TNFRSF11B: variants seen among roughly 807,000 people sequenced by gnomAD.
The protein encoded by TNFRSF11B is tumor necrosis factor receptor superfamily member 11B.
A neutral mutation model predicts 43.4 loss-of-function variants in TNFRSF11B; 16 were observed. The ratio of observed to expected loss-of-function variants is 0.37; its 90% CI spans 0.25 to 0.56. The LOEUF (loss-of-function observed/expected upper bound fraction) is 0.56. Ranked by LOEUF, TNFRSF11B falls within the 20% of genes least tolerant of loss-of-function variation. The pLI is 0.80. For synonymous variants in TNFRSF11B, 185 were observed against 181.8 expected, an observed-to-expected ratio of 1.02 and a Z score of -0.14; for missense variants, 444 against 490.1, an observed-to-expected ratio of 0.91 and a Z score of 0.89.
At position 118,924,403 on chromosome 8, in the gene TNFRSF11B, C is replaced by T. The variant is rs1487050390; in HGVS notation, c.1177G>A (p.Val393Ile). 1.2e-6 allele frequency: 2 copies of T among 1,613,940 alleles called. No individual in the cohort carries two copies. Among genetic ancestry groups the T allele is most frequent in the African/African-American group, 1.3e-5 (1 of 74,886 alleles). Residue 393 changes from valine to isoleucine, a missense_variant, in exon 5 of 5, where the codon GTC becomes ATC. Physicochemically the swap from Val to Ile is conservative, Grantham distance 29. Coordinates refer to ENST00000297350, the MANE Select transcript of TNFRSF11B (RefSeq NM_002546.4). ...KLFLEMIGNQ[V>I]QSVKISCL The stretch of plus-strand genomic sequence containing the variant: ...AAGCAGCTTATTTTTACTGATTGGA[C>T]CTGGTTACCTATCATTTCTAAAAAT...
intron 1 of TNFRSF11B, among the ~76,000 whole-genome samples, chr8:118,940,120 A>T (rs1183340697): frequency 6.6e-6 from 1 of 152,286 alleles, no homozygotes; most frequent in Admixed American, 6.5e-5. Context: ...CATAGGTGGG[A>T]ATTGAACAAT....
chr8:118,925,332 A>G (rs1812233072), intron 4 of TNFRSF11B, among the ~76,000 whole-genome samples: 1 of 152,200 alleles, frequency 6.6e-6, no homozygotes, highest in South Asian at 2.1e-4. Context: ...AGAGGGAGGA[A>G]CTAACATTTC....
intron 1 of TNFRSF11B, among the ~76,000 whole-genome samples, chr8:118,947,691 A>G (rs532633786): frequency 6.6e-6 from 1 of 152,196 alleles, no homozygotes; most frequent in Non-Finnish European, 1.5e-5. Flanking sequence ...ATACAAACTT[A>G]ATTTTTCAGG....
chr8:118,932,886 G>T, intron 2 of TNFRSF11B, 45 bp downstream of exon 2: 1 of 1,612,198 alleles, frequency 6.2e-7, no homozygotes, highest in South Asian at 1.1e-5. Flanking sequence ...ACAACTATCT[G>T]ACTTTGCATG....
At position 118,924,387 on chromosome 8, in the gene TNFRSF11B, A is replaced by G. The variant is rs748687430; in HGVS notation, c.1193T>C (p.Ile398Thr). 2.5e-6 allele frequency: 4 copies of G among 1,614,016 alleles called. No individual in the cohort carries two copies. The highest frequency in any genetic ancestry group is 1.1e-5 in the South Asian group (1 of 91,082). ...GGCCATTTCCAGTTATAAGCAGCTT[A>G]TTTTTACTGATTGGACCTGGTTACC... is the stretch of plus-strand genomic sequence containing the variant. Reference protein sequence around the residue: ...MIGNQVQSVKISCL With the variant: ...MIGNQVQSVKTSCL Residue 398 changes from isoleucine (I) to threonine (T), a missense_variant, in exon 5 of 5, where the codon ATA (isoleucine) becomes ACA (threonine). By Grantham distance (89) the Ile-to-Thr change is moderately conservative. Transcript: ENST00000297350.
At chr8:118,926,829 A>G in intron 3 of TNFRSF11B, 111 bp from the exon 4 acceptor site, 2 of 1,066,122 alleles carry the variant, frequency 1.9e-6, no homozygotes, top group Non-Finnish European at 2.8e-6. Context: ...TCCAAGATAA[A>G]ATATGCTAAA....
Position 118,932,966 on chromosome 8 carries a change from C to T in TNFRSF11B, c.365G>A (p.Arg122Lys). 6.2e-7 allele frequency: 1 copy of T among 1,614,190 alleles called. No individual in the cohort carries two copies. The highest frequency in any genetic ancestry group is 8.5e-7 in the Non-Finnish European group (1 of 1,180,036). Reference sequence around the variant, plus strand: ...CACTCCAAATCCAGGAGGGCAGCTCCTATGTTTCAAGCAGAACTCTATCTC... The same window carrying T: ...CACTCCAAATCCAGGAGGGCAGCTCTTATGTTTCAAGCAGAACTCTATCTC... ...YLEIEFCLKH[R>K]SCPPGFGVVQ... is the part of the protein sequence containing the mutation. The change falls in exon 2 of 5, where the codon AGG becomes AAG. Residue 122 changes from arginine to lysine, a missense_variant. Transcript: ENST00000297350.
At chr8:118,926,922 CT>C (rs1394216788) in intron 3 of TNFRSF11B, among the ~76,000 whole-genome samples, 1 of 152,122 alleles carries the variant, frequency 6.6e-6, no homozygotes, top group East Asian at 1.9e-4. Context: ...TTCTAATGTT[CT>C]TTTTTGGGCA....
chr8:118,929,085 C>A, intron 2 of TNFRSF11B, 156 bp from the exon 3 acceptor site: 2 of 685,624 alleles, frequency 2.9e-6, no homozygotes, highest in East Asian at 2.7e-5. Context: ...CTTCATTAGA[C>A]AGAACAAAAC....
chr8:118,924,259 A>G lies in TNFRSF11B; in HGVS notation c.*115T>C. The G allele has an allele frequency of 7.9e-7, 1 of 1,271,828 alleles. No homozygotes were observed. Among genetic ancestry groups the G allele is most frequent in the Non-Finnish European group, 1.1e-6 (1 of 882,770 alleles). 78.8% of individuals were successfully genotyped at this position (1,271,828 alleles called of 1,614,324 possible). ...GTTTCTTTTAGTACCCTGTGGCAAA[A>G]TTAGTCACTGGTAATGAGAAAGATA... On this transcript the variant is annotated 3_prime_UTR_variant, in exon 5 of 5. Coordinates refer to ENST00000297350, the MANE Select transcript of TNFRSF11B (RefSeq NM_002546.4).
rs556295432 is a variant in TNFRSF11B at position 118,945,275 on chromosome 8, A to G, written c.30+6517T>C. Among the ~76,000 whole-genome samples the G allele has an allele frequency of 4.6e-4, 40 of 87,340 alleles. No homozygotes were observed. In the South Asian group the frequency reaches 0.014, roughly 30 times the overall value. The allele number at this position is 87,340 out of a possible 152,430, so 57.3% of individuals were successfully genotyped here. A position where few individuals can be genotyped will look rare whatever the true frequency, so the allele number is the denominator to read the frequency against. On this transcript the variant is annotated intron_variant, in intron 1 of 4. Coordinates refer to ENST00000297350, the MANE Select transcript of TNFRSF11B (RefSeq NM_002546.4). ...TGTTTTGAGCGGGAAATAATGCACA[A>G]TTGTGTGTGTGTTTAATTCAGATGG...
At chr8:118,932,013 C>T (rs985766689) in intron 2 of TNFRSF11B, among the ~76,000 whole-genome samples, 2 of 152,022 alleles carry the variant, frequency 1.3e-5, no homozygotes, top group African/African-American at 4.8e-5. Context: ...CAGCTGCCCA[C>T]AAAAAGGAGT....
intron 3 of TNFRSF11B, 129 bp from the exon 4 acceptor site, chr8:118,926,847 G>C: frequency 1.0e-6 from 1 of 961,170 alleles, no homozygotes; most frequent in South Asian, 1.4e-5. Context: ...AAAATGCAAA[G>C]TTTGAATAAA....
chr8:118,935,437 G>T lies in TNFRSF11B; in HGVS notation c.31-2137C>A, dbSNP rs370706799. Among the ~76,000 whole-genome samples, 59 of 152,286 alleles carry T rather than the reference G, an allele frequency of 3.9e-4. 1 individual carries two copies. In the South Asian group the frequency reaches 0.012, roughly 30 times the overall value. Reference sequence around the variant, plus strand: ...AAGTTCATACTTGAGTGAGCACGCAGACAATAATAAGTGAAGAAATAATTA... The same window carrying T: ...AAGTTCATACTTGAGTGAGCACGCATACAATAATAAGTGAAGAAATAATTA... On this transcript the variant is annotated intron_variant, in intron 1 of 4. Transcript: ENST00000297350.
intron 1 of TNFRSF11B, among the ~76,000 whole-genome samples, chr8:118,943,504 G>T (rs1160108327): frequency 1.3e-5 from 2 of 151,986 alleles, no homozygotes. Context: ...TTTTTTACTG[G>T]ACTCAGCTAA....
intron 1 of TNFRSF11B, among the ~76,000 whole-genome samples, chr8:118,937,421 G>T (rs1246970203): frequency 6.6e-6 from 1 of 152,068 alleles, no homozygotes; most frequent in Non-Finnish European, 1.5e-5. Flanking sequence ...CATTCCCTCT[G>T]TAAAATCACC....
Position 118,938,184 on chromosome 8 carries a change from G to A in TNFRSF11B, c.31-4884C>T, listed in dbSNP as rs138780338. 2.4e-3 allele frequency among the ~76,000 whole-genome samples: 364 copies of A among 152,166 alleles called. 5 individuals are homozygous for A. The highest frequency in any genetic ancestry group is 8.2e-3 in the African/African-American group (341 of 41,544). On this transcript the variant is annotated intron_variant, in intron 1 of 4. Coordinates refer to ENST00000297350, the MANE Select transcript of TNFRSF11B (RefSeq NM_002546.4). ...TTTTATTGAGATGGGGTCTCGCTAT[G>A]TTGCCCAGGCTGGTCTTGAACTCTG...
At position 118,923,702 on chromosome 8, in the gene TNFRSF11B, C is replaced by CTAAA. The variant is rs1384574583; in HGVS notation, c.*668_*671dup. ...ATGTTTTCCAACATTAAACAATTGACTAAATAATGCATTTTCTATAAAATG... is the reference window on the plus strand; with the variant it reads ...ATGTTTTCCAACATTAAACAATTGACTAAATAAATAATGCATTTTCTATAAAATG... On this transcript the variant is annotated 3_prime_UTR_variant, in exon 5 of 5. Coordinates refer to ENST00000297350, the MANE Select transcript of TNFRSF11B (RefSeq NM_002546.4). 2 of 152,390 alleles carry CTAAA rather than the reference C, an allele frequency of 1.3e-5. No homozygotes were observed. The highest frequency in any genetic ancestry group is 2.4e-5 in the African/African-American group (1 of 41,364). The allele number at this position is 152,390 out of a possible 1,614,324, so 9.4% of individuals were successfully genotyped here.
At chr8:118,926,860 C>T in intron 3 of TNFRSF11B, 142 bp from the exon 4 acceptor site, 1 of 897,350 alleles carries the variant, frequency 1.1e-6, no homozygotes, top group Non-Finnish European at 1.7e-6. Context: ...TGAATAAAAT[C>T]AAGCTTCTGT....
Sources: gnomAD v4.1 joint callset for allele counts (sites outside exome capture counted in the v4.1 genomes callset) on GRCh38, gnomAD v4.1.1 for gene constraint, MANE v1.5 for transcripts, NCBI Gene and HGNC (gene_info 2026-07-23, HGNC 2026-07-21) for gene names.